Variants in DLG2 observed in about 807,000 individuals in gnomAD.
DLG2 encodes the protein disks large homolog 2.
Under a neutral mutation model 132.5 loss-of-function variants are expected in DLG2, and 45 were observed. That is an observed-to-expected ratio of 0.34 (90% CI 0.27 to 0.44). DLG2 has a LOEUF of 0.44. Ranked by LOEUF, DLG2 falls within the 20% of genes least tolerant of loss-of-function variation. DLG2 has a pLI of 1.00. For synonymous variants in DLG2, 424 were observed against 419.6 expected, an observed-to-expected ratio of 1.01 and a Z score of -0.13; for missense variants, 1,045 against 1,196.9, an observed-to-expected ratio of 0.87 and a Z score of 1.87.
At chr11:85,522,927 G>A (rs751081949) in intron 3 of DLG2, among the ~76,000 whole-genome samples, 10 of 152,182 alleles carry the variant, frequency 6.6e-5, no homozygotes, top group Non-Finnish European at 1.3e-4. Context: ...ATGCTGGAAT[G>A]AGTTAAGACA....
intron 6 of DLG2, among the ~76,000 whole-genome samples, chr11:84,597,260 G>A (rs187600923): frequency 8.5e-5 from 13 of 152,212 alleles, no homozygotes; most frequent in African/African-American, 2.4e-4. Context: ...AATCTCTTAC[G>A]CTTATGGAGC....
At chr11:83,830,399 AG>A (rs1201201067) in intron 17 of DLG2, among the ~76,000 whole-genome samples, 2 of 152,240 alleles carry the variant, frequency 1.3e-5, no homozygotes, top group Non-Finnish European at 2.9e-5. Flanking sequence ...ACATGTATGG[AG>A]GTTAAAATAA....
At chr11:84,170,539 T>G (rs1429767293) in intron 8 of DLG2, among the ~76,000 whole-genome samples, 7 of 152,158 alleles carry the variant, frequency 4.6e-5, no homozygotes, top group Admixed American at 3.9e-4. Context: ...GCAATAGGAA[T>G]AGGTGATTCC....
chr11:84,793,658 C>A (rs540474849), intron 6 of DLG2, among the ~76,000 whole-genome samples: 81 of 152,194 alleles, frequency 5.3e-4, no homozygotes, highest in Non-Finnish European at 1.1e-3. Flanking sequence ...ATATAATTAC[C>A]TTCCTTGTTT....
intron 9 of DLG2, among the ~76,000 whole-genome samples, chr11:84,135,416 G>A (rs2094566194): frequency 6.6e-6 from 1 of 152,014 alleles, no homozygotes; most frequent in Non-Finnish European, 1.5e-5. Context: ...AGTTACCAAA[G>A]GAAATCAACA....
At chr11:84,880,921 T>C (rs558637999) in intron 6 of DLG2, among the ~76,000 whole-genome samples, 1 of 152,282 alleles carries the variant, frequency 6.6e-6, no homozygotes, top group East Asian at 1.9e-4. Context: ...GTTGAGCACC[T>C]ATTATGCAAG....
chr11:84,990,898 T>C (rs552094645), intron 6 of DLG2, among the ~76,000 whole-genome samples: 13 of 152,232 alleles, frequency 8.5e-5, no homozygotes, highest in Non-Finnish European at 1.3e-4. Flanking sequence ...TGAAAACCTA[T>C]ATTCACACAG....
At chr11:85,218,563 C>A (rs2082775895) in intron 4 of DLG2, among the ~76,000 whole-genome samples, 1 of 151,988 alleles carries the variant, frequency 6.6e-6, no homozygotes, top group African/African-American at 2.4e-5. Context: ...AGTCAAAAAA[C>A]AACAGATGAT....
intron 6 of DLG2, among the ~76,000 whole-genome samples, chr11:84,967,109 T>C (rs7925898): frequency 0.42 from 64,025 of 151,904 alleles, 14,826 homozygotes; most frequent in East Asian, 0.67. Flanking sequence ...AATCAACAGA[T>C]TATAAACCAA....
chr11:85,434,014 C>A (rs912864412), intron 3 of DLG2, among the ~76,000 whole-genome samples: 1 of 151,844 alleles, frequency 6.6e-6, no homozygotes, highest in South Asian at 2.1e-4. Flanking sequence ...ATTAAGAGTT[C>A]TAACTCACTC....
chr11:85,098,709 T>G (rs2070337941), intron 6 of DLG2, among the ~76,000 whole-genome samples: 3 of 152,344 alleles, frequency 2.0e-5, no homozygotes, highest in South Asian at 4.1e-4. Flanking sequence ...TTCTACAAAA[T>G]GTAAATTGAA....
At chr11:84,337,575 AT>A (rs1327305376) in intron 7 of DLG2, among the ~76,000 whole-genome samples, 1 of 152,076 alleles carries the variant, frequency 6.6e-6, no homozygotes, top group Non-Finnish European at 1.5e-5. Context: ...TATTGTTAAG[AT>A]TTTTTTCACA....
intron 7 of DLG2, chr11:84,273,186 G>A (rs1462781430): frequency 1.3e-6 from 2 of 1,561,864 alleles, no homozygotes; most frequent in Admixed American, 1.9e-5. Context: ...TGTTCACATT[G>A]TTTTAAGGAA....
At chr11:84,981,076 A>G (rs1032879940) in intron 6 of DLG2, among the ~76,000 whole-genome samples, 2 of 152,132 alleles carry the variant, frequency 1.3e-5, no homozygotes, top group African/African-American at 4.8e-5. Context: ...ATGCATCTAT[A>G]TTACTGGTAT....
At chr11:85,473,236 G>A (rs1164505047) in intron 3 of DLG2, among the ~76,000 whole-genome samples, 2 of 152,240 alleles carry the variant, frequency 1.3e-5, no homozygotes, top group Non-Finnish European at 2.9e-5. Flanking sequence ...TGAGTGGGCG[G>A]AGCTAGCTCA....
chr11:84,575,771 A>G (rs1480227292), intron 6 of DLG2, among the ~76,000 whole-genome samples: 1 of 152,132 alleles, frequency 6.6e-6, no homozygotes, highest in East Asian at 1.9e-4. Flanking sequence ...AATACTATAT[A>G]CTCATCAGTG....
At chr11:85,184,340 A>T (rs890351026) in intron 4 of DLG2, among the ~76,000 whole-genome samples, 22 of 151,542 alleles carry the variant, frequency 1.5e-4, no homozygotes, top group Middle Eastern at 3.4e-3. Context: ...TTTATAAAAG[A>T]GATTTTCCTT....
intron 8 of DLG2, among the ~76,000 whole-genome samples, chr11:84,249,792 C>T (rs911124545): frequency 6.6e-6 from 1 of 152,158 alleles, no homozygotes; most frequent in African/African-American, 2.4e-5. Flanking sequence ...TAAGCCTAAC[C>T]TTGTTTCCGG....
At chr11:84,316,610 G>C (rs998805394) in intron 7 of DLG2, among the ~76,000 whole-genome samples, 2 of 152,148 alleles carry the variant, frequency 1.3e-5, no homozygotes, top group Admixed American at 1.3e-4. Flanking sequence ...AAAAGTCAGT[G>C]AAATAAACTG....
Sources: allele counts gnomAD v4.1 joint callset (sites outside exome capture counted in the v4.1 genomes callset), GRCh38; gene constraint gnomAD v4.1.1; transcripts MANE v1.5; gene names NCBI Gene and HGNC (gene_info 2026-07-23, HGNC 2026-07-21).